CAPS2: variants seen among roughly 807,000 people sequenced by gnomAD.
The protein encoded by CAPS2 is calcyphosine 2, also known as calcyphosin-2.
Under a neutral mutation model 86.5 loss-of-function variants are expected in CAPS2, and 98 were observed. That is an observed-to-expected ratio of 1.13 (90% CI 0.96 to 1.34). The LOEUF (loss-of-function observed/expected upper bound fraction) is 1.34, where lower values mean the gene tolerates loss of function less well. Ranked by LOEUF, CAPS2 falls within the 40% of genes most tolerant of loss-of-function variation. CAPS2 has a pLI of 0.00. For missense variants in CAPS2, 729 were observed against 686.8 expected (o/e 1.06, Z -0.69); for synonymous variants, 210 against 225.1 (o/e 0.93, Z 0.60).
At chr12:75,308,273 T>C (rs562470233) in intron 7 of CAPS2, among the ~76,000 whole-genome samples, 2 of 152,272 alleles carry the variant, frequency 1.3e-5, no homozygotes, top group Admixed American at 1.3e-4. Context: ...TTCATTTACA[T>C]AGACAAAGTA....
chr12:75,313,383 T>C (rs2039431180), intron 6 of CAPS2, among the ~76,000 whole-genome samples: 1 of 152,140 alleles, frequency 6.6e-6, no homozygotes, highest in Non-Finnish European at 1.5e-5. Flanking sequence ...TTTCATAAAA[T>C]ATCCAAAACA....
At position 75,279,040 on chromosome 12, in the gene CAPS2, T is replaced by C. The variant is rs2137963019; in HGVS notation, c.1638A>G (p.Lys546=). The C allele has an allele frequency of 2.5e-6, 4 of 1,600,258 alleles. No homozygotes were observed. In the South Asian group the frequency reaches 4.5e-5, roughly 18 times the overall value. The change falls in exon 17 of 17, where the codon AAA becomes AAG. Residue 546 remains lysine, a synonymous_variant. Coordinates refer to ENST00000393284, the Ensembl canonical transcript of CAPS2. ...CTTTTAATGTTTCTAGAAAGGATGA[T>C]TTGATTTCTTCCTCTGTTGAATGGC... is the stretch of plus-strand genomic sequence containing the variant.
At chr12:75,327,014 T>C (rs1184908273), upstream of CAPS2, among the ~76,000 whole-genome samples, 1 of 152,138 alleles carries the variant, frequency 6.6e-6, no homozygotes, top group Non-Finnish European at 1.5e-5. Context: ...AGGCAAGGAA[T>C]GGATTTTCCT....
At chr12:75,350,880 T>A (rs891876013) in intron 1 of CAPS2, among the ~76,000 whole-genome samples, 7 of 152,162 alleles carry the variant, frequency 4.6e-5, no homozygotes, top group Non-Finnish European at 1.0e-4. Context: ...GTTCAGAAGA[T>A]GCATAATAAT....
intron 14 of CAPS2, 72 bp from the exon 15 acceptor site, chr12:75,285,152 T>A: frequency 6.9e-7 from 1 of 1,447,338 alleles, no homozygotes; most frequent in Non-Finnish European, 9.5e-7. Context: ...CTTAGTTGTA[T>A]TTTGTTACAT....
chr12:75,347,108 G>T (rs998286463), intron 1 of CAPS2, among the ~76,000 whole-genome samples: 3 of 151,164 alleles, frequency 2.0e-5, no homozygotes, highest in Non-Finnish European at 4.4e-5. Context: ...CTTACAGCAG[G>T]CATCTTTGAA....
intron 1 of CAPS2, among the ~76,000 whole-genome samples, chr12:75,367,485 G>C (rs1197527533): frequency 2.0e-5 from 3 of 151,842 alleles, no homozygotes; most frequent in Admixed American, 2.0e-4. Context: ...CAGGGTCAGA[G>C]TCATCAATAT....
chr12:75,280,897 T>C (rs1285660245), intron 16 of CAPS2, among the ~76,000 whole-genome samples: 2 of 151,930 alleles, frequency 1.3e-5, no homozygotes, highest in Non-Finnish European at 2.9e-5. Context: ...AATTACAGTG[T>C]ATCTCTTTTA....
At chr12:75,366,644 C>CT (rs35880250) in intron 1 of CAPS2, among the ~76,000 whole-genome samples, 34,584 of 147,418 alleles carry the variant, frequency 0.23, 4,011 homozygotes, top group Middle Eastern at 0.29. Context: ...TTGTTGCCTA[C>CT]TTTTTTTTTT....
chr12:75,282,922 C>T (rs2034237974), intron 15 of CAPS2, among the ~76,000 whole-genome samples: 1 of 152,114 alleles, frequency 6.6e-6, no homozygotes, highest in African/African-American at 2.4e-5. Flanking sequence ...AACCTGACCT[C>T]TATTTCCATG....
chr12:75,327,801 CTTTA>C (rs1287869051), upstream of CAPS2, among the ~76,000 whole-genome samples: 7 of 149,302 alleles, frequency 4.7e-5, no homozygotes, highest in African/African-American at 1.5e-4. Flanking sequence ...TTACAATATA[CTTTA>C]TTTATTAAAA....
chr12:75,288,853 CAG>C (rs371212702), intron 14 of CAPS2, among the ~76,000 whole-genome samples: 117 of 152,034 alleles, frequency 7.7e-4, no homozygotes, highest in Middle Eastern at 3.4e-3. Context: ...TACTGGCAGG[CAG>C]AGTCAGAAAA....
At chr12:75,342,926 C>A (rs895504270) in intron 1 of CAPS2, among the ~76,000 whole-genome samples, 1 of 151,472 alleles carries the variant, frequency 6.6e-6, no homozygotes, top group Non-Finnish European at 1.5e-5. Flanking sequence ...GAATGTTTTG[C>A]AGCTATTCAT....
intron 11 of CAPS2, 62 bp downstream of exon 11, chr12:75,298,625 C>T (rs2037292178): frequency 1.5e-6 from 2 of 1,291,928 alleles, no homozygotes; most frequent in East Asian, 2.3e-5. Context: ...CCTCCACCTC[C>T]ATGGGACTCC....
chr12:75,326,444 A>ATGG (rs2040793479), exon 1 of CAPS2: 17 of 1,525,730 alleles, frequency 1.1e-5, no homozygotes, highest in Non-Finnish European at 1.5e-5. Flanking sequence ...CTTCCAAAGA[A>ATGG]TGGCTGAATT....
chr12:75,390,488 A>C (rs900852258), intron 1 of CAPS2: 1 of 411,256 alleles, frequency 2.4e-6, no homozygotes, highest in African/African-American at 2.1e-5. Context: ...GTTCATTTAA[A>C]AACTGAAAAA....
At chr12:75,376,653 T>C (rs2044664697) in intron 1 of CAPS2, among the ~76,000 whole-genome samples, 2 of 152,186 alleles carry the variant, frequency 1.3e-5, no homozygotes, top group South Asian at 4.1e-4. Flanking sequence ...AGGAGCTCAG[T>C]GCCCCCAGCC....
chr12:75,339,099 T>C (rs1445878808), intron 1 of CAPS2, among the ~76,000 whole-genome samples: 1 of 152,230 alleles, frequency 6.6e-6, no homozygotes, highest in Non-Finnish European at 1.5e-5. Context: ...ATGATCTATA[T>C]TCCTTTGGGT....
chr12:75,327,425 A>G (rs1173111025), upstream of CAPS2, among the ~76,000 whole-genome samples: 1 of 152,206 alleles, frequency 6.6e-6, no homozygotes, highest in Admixed American at 6.5e-5. Context: ...ATATGTACAA[A>G]ATAAAAATCA....
Sources: gnomAD v4.1 joint callset for allele counts (sites outside exome capture counted in the v4.1 genomes callset) on GRCh38, gnomAD v4.1.1 for gene constraint, MANE v1.5 for transcripts, NCBI Gene and HGNC (gene_info 2026-07-23, HGNC 2026-07-21) for gene names.